Variants in PDE7B observed in about 807,000 individuals in gnomAD.
The protein encoded by PDE7B is phosphodiesterase 7B, also known as 3',5'-cyclic-AMP phosphodiesterase 7B.
PDE7B carries 29 observed loss-of-function variants against 56.2 expected under a neutral mutation model. That is an observed-to-expected ratio of 0.52 (90% CI 0.38 to 0.70). PDE7B has a LOEUF of 0.70. Ranked by LOEUF, PDE7B falls within the 30% of genes least tolerant of loss-of-function variation. PDE7B has a pLI of 0.00. For missense variants in PDE7B, 490 were observed against 565.0 expected (o/e 0.87, Z 1.35); for synonymous variants, 197 against 196.9 (o/e 1.00, Z 0.00).
chr6:136,002,653 C>A lies in PDE7B; in HGVS notation c.82+55129C>A, dbSNP rs375315685. On this transcript the variant is annotated intron_variant, in intron 2 of 12. Transcript: ENST00000308191. The stretch of plus-strand genomic sequence containing the variant: ...ATCAATTCAACAAGAAGAGCTAACT[C>A]TCCTAAATATATATGCACCCAATAC... 2.5e-3 allele frequency among the ~76,000 whole-genome samples: 380 copies of A among 152,132 alleles called. 1 individual carries two copies. Among genetic ancestry groups the A allele is most frequent in the Non-Finnish European group, 4.4e-3 (296 of 67,958 alleles).
At chr6:135,858,581 G>A (rs113215077) in intron 1 of PDE7B, among the ~76,000 whole-genome samples, 21 of 152,302 alleles carry the variant, frequency 1.4e-4, no homozygotes, top group African/African-American at 5.1e-4. Flanking sequence ...TGGAAGCCAG[G>A]AGATAGGGAG....
chr6:136,020,288 C>T (rs774296729), intron 2 of PDE7B, among the ~76,000 whole-genome samples: 5 of 152,102 alleles, frequency 3.3e-5, no homozygotes, highest in Admixed American at 6.6e-5. Flanking sequence ...CTCCACCTTC[C>T]GGCTGACTTG....
chr6:136,064,836 A>G (rs76401724), intron 2 of PDE7B, among the ~76,000 whole-genome samples: 23 of 152,210 alleles, frequency 1.5e-4, no homozygotes, highest in African/African-American at 5.1e-4. Flanking sequence ...ATTATGTTTC[A>G]TTTCTGCCTT....
At chr6:135,989,966 G>A (rs1263389712) in intron 2 of PDE7B, among the ~76,000 whole-genome samples, 3 of 152,106 alleles carry the variant, frequency 2.0e-5, no homozygotes. Flanking sequence ...ACCCTTATGG[G>A]TCCAAAACAA....
chr6:135,956,841 A>G (rs1418171429), intron 2 of PDE7B, among the ~76,000 whole-genome samples: 1 of 151,798 alleles, frequency 6.6e-6, no homozygotes. Flanking sequence ...AGAAAGGAAG[A>G]AAGAAAGAAA....
At chr6:135,980,142 C>T (rs563790674) in intron 2 of PDE7B, among the ~76,000 whole-genome samples, 1 of 152,302 alleles carries the variant, frequency 6.6e-6, no homozygotes, top group East Asian at 1.9e-4. Flanking sequence ...CGCTGCATAT[C>T]TACAACTATC....
intron 1 of PDE7B, among the ~76,000 whole-genome samples, chr6:135,939,809 C>T (rs992019650): frequency 5.3e-5 from 8 of 152,064 alleles, no homozygotes; most frequent in Admixed American, 1.3e-4. Context: ...TAAGATAATT[C>T]AAGAAAAAGG....
At chr6:135,990,321 C>G (rs1419678187) in intron 2 of PDE7B, among the ~76,000 whole-genome samples, 1 of 152,126 alleles carries the variant, frequency 6.6e-6, no homozygotes, top group African/African-American at 2.4e-5. Context: ...GTCACGAACT[C>G]CTGACTTTGG....
intron 2 of PDE7B, among the ~76,000 whole-genome samples, chr6:135,996,636 T>A (rs935072503): frequency 2.6e-5 from 4 of 152,254 alleles, no homozygotes; most frequent in Non-Finnish European, 4.4e-5. Context: ...TCCGTTTCTC[T>A]TTTTAACTCA....
intron 11 of PDE7B, among the ~76,000 whole-genome samples, chr6:136,183,316 G>A (rs573021830): frequency 2.0e-4 from 31 of 152,046 alleles, no homozygotes; most frequent in Non-Finnish European, 4.0e-4. Context: ...ATTATAGGCT[G>A]GGCATGGTGG....
intron 1 of PDE7B, among the ~76,000 whole-genome samples, chr6:135,879,759 T>G (rs1474520612): frequency 2.6e-5 from 4 of 152,116 alleles, no homozygotes; most frequent in Admixed American, 2.6e-4. Context: ...GTGGGATAGA[T>G]CTTGTGCTTA....
At chr6:136,098,092 C>T (rs982301083) in intron 2 of PDE7B, 1 of 124,926 alleles carries the variant, frequency 8.0e-6, no homozygotes, top group South Asian at 2.6e-4. Context: ...TGAAGAAGAA[C>T]ATTGTTACTT....
intron 1 of PDE7B, among the ~76,000 whole-genome samples, chr6:135,881,166 G>T (rs1198808848): frequency 6.6e-6 from 1 of 152,042 alleles, no homozygotes; most frequent in East Asian, 1.9e-4. Context: ...GCATATCTTT[G>T]AGACTCAGAA....
Position 135,851,714 on chromosome 6 carries a change from A to G in PDE7B, c.-285A>G, listed in dbSNP as rs747897992. 4 of 352,416 alleles carry G rather than the reference A, an allele frequency of 1.1e-5. No individual in the cohort carries two copies. Among genetic ancestry groups the G allele is most frequent in the Non-Finnish European group, 2.1e-5 (4 of 194,832 alleles). The allele number at this position is 352,416 out of a possible 1,614,324, so 21.8% of individuals were successfully genotyped here. ...ACCCAGCCAGTCAGTTGGTCTGGGC[A>G]CTGCAGCAGGCTCGGCTCTGTCCCA... On this transcript the variant is annotated 5_prime_UTR_variant, in exon 1 of 13. Transcript: ENST00000308191.
chr6:135,900,956 G>A (rs1167790136), intron 1 of PDE7B, among the ~76,000 whole-genome samples: 1 of 152,102 alleles, frequency 6.6e-6, no homozygotes, highest in Non-Finnish European at 1.5e-5. Flanking sequence ...CCATAAATTT[G>A]AATGCTGTTG....
chr6:135,881,352 A>C (rs1446806153), intron 1 of PDE7B, among the ~76,000 whole-genome samples: 1 of 151,726 alleles, frequency 6.6e-6, no homozygotes, highest in Non-Finnish European at 1.5e-5. Context: ...AAAAAAAAAA[A>C]AAAAAAATAG....
intron 1 of PDE7B, among the ~76,000 whole-genome samples, chr6:135,908,541 TA>T (rs796699996): frequency 2.2e-4 from 34 of 151,788 alleles, no homozygotes; most frequent in African/African-American, 6.8e-4. Flanking sequence ...AAGAATATGT[TA>T]AAAAAAACAA....
chr6:135,961,028 A>T (rs1774890250), intron 2 of PDE7B, among the ~76,000 whole-genome samples: 1 of 152,188 alleles, frequency 6.6e-6, no homozygotes. Flanking sequence ...CATATTGCCT[A>T]TGGCAGTTTT....
At chr6:135,897,736 CAAAT>C (rs1416558446) in intron 1 of PDE7B, among the ~76,000 whole-genome samples, 14 of 152,148 alleles carry the variant, frequency 9.2e-5, no homozygotes, top group African/African-American at 3.4e-4. Flanking sequence ...TGCTTCCTGA[CAAAT>C]AAAACAAAGT....
Sources: allele counts gnomAD v4.1 joint callset (sites outside exome capture counted in the v4.1 genomes callset), GRCh38; gene constraint gnomAD v4.1.1; transcripts MANE v1.5; gene names NCBI Gene and HGNC (gene_info 2026-07-23, HGNC 2026-07-21).